The following NR3C1 variants were observed in gnomAD, a reference collection of about 807,000 sequenced individuals.
NR3C1 encodes the protein glucocorticoid receptor.
Under a neutral mutation model 74.0 loss-of-function variants are expected in NR3C1, and 14 were observed. That is an observed-to-expected ratio of 0.19 (90% CI 0.12 to 0.30). The LOEUF (loss-of-function observed/expected upper bound fraction) is 0.30. NR3C1 is among the 10% of genes least tolerant of loss of function. The probability of loss-of-function intolerance (pLI) is 1.00; values close to 1 mark genes in which losing one functional copy is unlikely to be tolerated. For missense variants in NR3C1, 695 were observed against 909.8 expected (o/e 0.76, Z 3.04); for synonymous variants, 308 against 332.5 (o/e 0.93, Z 0.80).
At chr5:143,388,128 T>A (rs1021051408) in intron 2 of NR3C1, among the ~76,000 whole-genome samples, 3 of 152,232 alleles carry the variant, frequency 2.0e-5, no homozygotes, top group Non-Finnish European at 2.9e-5. Context: ...CTACTCTAAT[T>A]TTTCAATGGT....
chr5:143,403,177 G>C, intron 1 of NR3C1, 34 bp downstream of exon 1: 1 of 984,626 alleles, frequency 1.0e-6, no homozygotes, highest in African/African-American at 1.8e-5. Context: ...GGGGGAGCGA[G>C]CGCGCCCCGG....
At chr5:143,299,527 T>C (rs1191271293) in intron 5 of NR3C1, among the ~76,000 whole-genome samples, 1 of 152,116 alleles carries the variant, frequency 6.6e-6, no homozygotes, top group Non-Finnish European at 1.5e-5. Flanking sequence ...TAAGTTTTAG[T>C]GTTCAGTAGC....
chr5:143,392,125 C>G (rs985674024), intron 2 of NR3C1, among the ~76,000 whole-genome samples: 2 of 152,048 alleles, frequency 1.3e-5, no homozygotes, highest in African/African-American at 4.8e-5. Flanking sequence ...GCCACCATGC[C>G]CGGCTAATTT....
At chr5:143,356,675 A>G (rs1313169325) in intron 2 of NR3C1, among the ~76,000 whole-genome samples, 1 of 122,740 alleles carries the variant, frequency 8.1e-6, no homozygotes, top group African/African-American at 3.2e-5. Context: ...TGTTTCTCAC[A>G]ATTTGTATTT....
chr5:143,359,190 C>A (rs1831768924), intron 2 of NR3C1, among the ~76,000 whole-genome samples: 1 of 152,160 alleles, frequency 6.6e-6, no homozygotes, highest in Non-Finnish European at 1.5e-5. Context: ...AGCCTCATTT[C>A]CAAACCCCTG....
At chr5:143,393,108 AGAACCC>A (rs1838578268) in intron 2 of NR3C1, among the ~76,000 whole-genome samples, 1 of 152,202 alleles carries the variant, frequency 6.6e-6, no homozygotes, top group Admixed American at 6.5e-5. Flanking sequence ...ACAAGCTCTG[AGAACCC>A]AAGAGCCCCA....
At chr5:143,415,979 T>C (rs1383309385) in intron 1 of NR3C1, among the ~76,000 whole-genome samples, 1 of 152,216 alleles carries the variant, frequency 6.6e-6, no homozygotes, top group Admixed American at 6.5e-5. Context: ...TTGCTATTGA[T>C]ACAGTTTTGC....
chr5:143,399,033 C>T (rs990969937), intron 2 of NR3C1, among the ~76,000 whole-genome samples: 1 of 152,150 alleles, frequency 6.6e-6, no homozygotes, highest in Non-Finnish European at 1.5e-5. Flanking sequence ...AACTTGTCTA[C>T]TTTATGGCAA....
At chr5:143,357,073 T>C (rs1348403444) in intron 2 of NR3C1, among the ~76,000 whole-genome samples, 2 of 152,246 alleles carry the variant, frequency 1.3e-5, no homozygotes, top group African/African-American at 2.4e-5. Flanking sequence ...GCAGTGGTAC[T>C]TCCTCACCTC....
chr5:143,292,386 G>A (rs947199460), intron 7 of NR3C1, among the ~76,000 whole-genome samples: 1 of 152,028 alleles, frequency 6.6e-6, no homozygotes, highest in Non-Finnish European at 1.5e-5. Context: ...TCCCTGGGCT[G>A]TGACTTTCAG....
chr5:143,281,648 T>C lies in NR3C1; in HGVS notation c.*241A>G. On this transcript the variant is annotated 3_prime_UTR_variant, in exon 9 of 9. Transcript: ENST00000394464. ...ATATTAAGGTTTCTAATTTCTGGGA[T>C]ATATTAACTAATAAATTTCACCATC... 2.2e-6 allele frequency: 1 copy of C among 459,762 alleles called. No homozygotes were observed. Among genetic ancestry groups the C allele is most frequent in the Non-Finnish European group, 4.0e-6 (1 of 252,690 alleles). 28.5% of individuals were successfully genotyped at this position (459,762 alleles called of 1,614,324 possible).
rs1404879476 is a variant in NR3C1 at position 143,374,274 on chromosome 5, C to T, written c.1184+25382G>A. On this transcript the variant is annotated intron_variant, in intron 2 of 8. Coordinates refer to ENST00000394464, the MANE Select transcript of NR3C1 (RefSeq NM_000176.3). ...TTGGGAGGCCGAGGCGGGTGGATCACGAGGTCAGGAGATCGGGACCATCCT... is the reference window on the plus strand; with the variant it reads ...TTGGGAGGCCGAGGCGGGTGGATCATGAGGTCAGGAGATCGGGACCATCCT... Among the ~76,000 whole-genome samples, 10 of 152,102 alleles carry T rather than the reference C, an allele frequency of 6.6e-5. No individual in the cohort carries two copies. The South Asian group carries it at 1.4e-3, about 22-fold the overall frequency.
intron 2 of NR3C1, among the ~76,000 whole-genome samples, chr5:143,330,326 T>C (rs1825706234): frequency 6.6e-6 from 1 of 152,210 alleles, no homozygotes; most frequent in Admixed American, 6.5e-5. Flanking sequence ...TAGCTACTGT[T>C]GTAGTGGGAG....
chr5:143,375,463 A>T (rs1308053515), intron 2 of NR3C1, among the ~76,000 whole-genome samples: 1 of 152,234 alleles, frequency 6.6e-6, no homozygotes, highest in East Asian at 1.9e-4. Flanking sequence ...TGGTATACCC[A>T]TATGGCTATT....
chr5:143,429,490 A>G (rs1751702831), intron 1 of NR3C1, among the ~76,000 whole-genome samples: 1 of 152,202 alleles, frequency 6.6e-6, no homozygotes, highest in Non-Finnish European at 1.5e-5. Context: ...AGGCAAAAGA[A>G]TATTAGGAAC....
At chr5:143,338,800 C>T (rs547180110) in intron 2 of NR3C1, among the ~76,000 whole-genome samples, 1 of 152,280 alleles carries the variant, frequency 6.6e-6, no homozygotes, top group East Asian at 1.9e-4. Flanking sequence ...GTTTACACTA[C>T]AGTAGACTTC....
At chr5:143,284,923 T>C (rs561749260) in intron 7 of NR3C1, among the ~76,000 whole-genome samples, 10 of 151,822 alleles carry the variant, frequency 6.6e-5, no homozygotes, top group South Asian at 6.3e-4. Context: ...GAGAAAGAGA[T>C]TGAAGTTTGG....
chr5:143,346,106 G>T (rs1435320745), intron 2 of NR3C1, among the ~76,000 whole-genome samples: 1 of 152,200 alleles, frequency 6.6e-6, no homozygotes, highest in African/African-American at 2.4e-5. Flanking sequence ...GGCATACACT[G>T]CATGCTGTCA....
intron 2 of NR3C1, among the ~76,000 whole-genome samples, chr5:143,340,249 C>G (rs989555505): frequency 6.6e-6 from 1 of 152,012 alleles, no homozygotes; most frequent in Non-Finnish European, 1.5e-5. Flanking sequence ...TACAGTGTTC[C>G]TGGATTGGAA....
Sources: allele counts gnomAD v4.1 joint callset (sites outside exome capture counted in the v4.1 genomes callset), GRCh38; gene constraint gnomAD v4.1.1; transcripts MANE v1.5; gene names NCBI Gene and HGNC (gene_info 2026-07-23, HGNC 2026-07-21).